Variants in ACOT7 observed in about 807,000 individuals in gnomAD.
ACOT7 encodes the protein acyl-CoA thioesterase 7, also known as cytosolic acyl coenzyme A thioester hydrolase.
Under a neutral mutation model 40.2 loss-of-function variants are expected in ACOT7, and 12 were observed. That is an observed-to-expected ratio of 0.30 (90% CI 0.19 to 0.48). ACOT7 has a LOEUF of 0.48. Among genes scored for constraint, ACOT7 ranks in the 20% least tolerant of loss-of-function variants. The pLI is 0.99. For synonymous variants in ACOT7, 228 were observed against 219.5 expected, an observed-to-expected ratio of 1.04 and a Z score of -0.34; for missense variants, 395 against 530.8, an observed-to-expected ratio of 0.74 and a Z score of 2.51.
chr1:6,316,092 G>A (rs1012965772), intron 6 of ACOT7, among the ~76,000 whole-genome samples: 2 of 152,202 alleles, frequency 1.3e-5, no homozygotes, highest in African/African-American at 4.8e-5. Flanking sequence ...CCCATTTAGT[G>A]AAGAACGTCT....
At chr1:6,276,865 G>A (rs529893964) in intron 8 of ACOT7, among the ~76,000 whole-genome samples, 20 of 152,230 alleles carry the variant, frequency 1.3e-4, no homozygotes, top group Admixed American at 7.2e-4. Context: ...AAATAACAGC[G>A]TAGATCAACA....
Position 6,299,198 on chromosome 1 carries a change from G to A in ACOT7, c.713-4218C>T, listed in dbSNP as rs190973117. On this transcript the variant is annotated intron_variant, in intron 6 of 8. Transcript: ENST00000361521. This position sits in a 1 kb window ranked among gnomAD's most constrained non-coding sequence, Gnocchi z 4.1. The stretch of plus-strand genomic sequence containing the variant: ...TCTGTCAGGCAGAGGAGGTGACGGC[G>A]CCCACAGGCAAGGTGACTGAGGAGC... Among the ~76,000 whole-genome samples the A allele has an allele frequency of 9.8e-5, 15 of 152,316 alleles. 1 individual carries two copies. Among genetic ancestry groups the A allele is most frequent in the Admixed American group, 7.8e-4 (12 of 15,312 alleles).
In ACOT7 at chr1:6,385,814, C is replaced by T. The variant is rs571361922; in HGVS notation, c.143+7443G>A. 170 of 1,413,508 alleles carry T rather than the reference C, an allele frequency of 1.2e-4. 2 individuals carry two copies. Among genetic ancestry groups the T allele is most frequent in the Admixed American group, 3.0e-4 (10 of 33,818 alleles). The allele number at this position is 1,413,508 out of a possible 1,614,324, so 87.6% of individuals were successfully genotyped here. On this transcript the variant is annotated intron_variant, in intron 1 of 8. Coordinates refer to ENST00000361521, the MANE Select transcript of ACOT7 (RefSeq NM_007274.4). ...CAGGCTCCTGCTCCTCCTAGGACCG[C>T]CCCTCCCCCACCAGCCCCCGGCAAG...
intron 4 of ACOT7, among the ~76,000 whole-genome samples, chr1:6,329,212 C>T (rs1450724510): frequency 6.6e-6 from 1 of 152,240 alleles, no homozygotes; most frequent in African/African-American, 2.4e-5. Context: ...GTCTCAGCAC[C>T]ATTCACCGTT....
rs1557664061 is a variant in ACOT7, at chr1:6,352,693, C to T, written c.144-2827G>A. Among the ~76,000 whole-genome samples, 1 of 149,948 alleles carries T rather than the reference C, an allele frequency of 6.7e-6. No homozygotes were observed. Among genetic ancestry groups the T allele is most frequent in the Non-Finnish European group, 1.5e-5 (1 of 67,442 alleles). On this transcript the variant is annotated intron_variant, in intron 1 of 8. Transcript: ENST00000361521. This position sits in a 1 kb window ranked among gnomAD's most constrained non-coding sequence, Gnocchi z 4.5. ...CGCAAGCTCCGCCTCCTGGGTTCTC[C>T]TGCCTCAGCCTCCCGAGTAGCTGGC...
chr1:6,359,092 T>C lies in ACOT7; in HGVS notation c.144-9226A>G. The stretch of plus-strand genomic sequence containing the variant: ...GCTTTATAAATAATTACAGAAGAAG[T>C]AATTCTGTGAGCTCTTCTGGCTGCC... On this transcript the variant is annotated intron_variant, in intron 1 of 8. Coordinates refer to ENST00000361521, the MANE Select transcript of ACOT7 (RefSeq NM_007274.4). This position sits in a 1 kb window ranked among gnomAD's most constrained non-coding sequence, Gnocchi z 4.1. The C allele has an allele frequency of 2.1e-6, 1 of 466,702 alleles. No homozygotes were observed. 28.9% of individuals were successfully genotyped at this position (466,702 alleles called of 1,614,324 possible).
At chr1:6,269,503 G>A (rs544133528) in intron 8 of ACOT7, among the ~76,000 whole-genome samples, 69 of 152,362 alleles carry the variant, frequency 4.5e-4, no homozygotes, top group East Asian at 5.8e-4. Flanking sequence ...GCCACAGGCC[G>A]AGGGCTGTGA....
intron 6 of ACOT7, among the ~76,000 whole-genome samples, chr1:6,302,086 C>T (rs61763881): frequency 0.086 from 13,043 of 152,268 alleles, 966 homozygotes; most frequent in African/African-American, 0.19. Context: ...TTATACCCCA[C>T]ACCTGGAGTT....
rs1642308351 is a variant in ACOT7 at position 6,380,195 on chromosome 1, T to A, written c.143+13062A>T. On this transcript the variant is annotated intron_variant, in intron 1 of 8. Coordinates refer to ENST00000361521, the MANE Select transcript of ACOT7 (RefSeq NM_007274.4). ...AAAACTTACCACAAAGCTACAATAATCAAAACAGTATGGCATTAGCATAAA... is the reference window on the plus strand; with the variant it reads ...AAAACTTACCACAAAGCTACAATAAACAAAACAGTATGGCATTAGCATAAA... 2.6e-5 allele frequency among the ~76,000 whole-genome samples: 4 copies of A among 151,684 alleles called. No individual in the cohort carries two copies. In the South Asian group the frequency reaches 8.3e-4, roughly 31 times the overall value.
chr1:6,335,460 T>C (rs1641075640), intron 3 of ACOT7, among the ~76,000 whole-genome samples: 1 of 151,554 alleles, frequency 6.6e-6, no homozygotes, highest in African/African-American at 2.4e-5. Context: ...ACCACTGCAC[T>C]CCAGCCTGGG....
At chr1:6,344,763 C>CAAAAAAAAAAAA (rs58594477) in intron 2 of ACOT7, among the ~76,000 whole-genome samples, 4 of 56,034 alleles carry the variant, frequency 7.1e-5, no homozygotes, top group East Asian at 9.1e-4. Flanking sequence ...GACTCTGTCT[C>CAAAAAAAAAAAA]AAAAAAAAAA....
Position 6,294,726 on chromosome 1 carries a change from C to G in ACOT7, c.829+138G>C. 1 of 654,006 alleles carries G rather than the reference C, an allele frequency of 1.5e-6. No homozygotes were observed. Among genetic ancestry groups the G allele is most frequent in the Non-Finnish European group, 2.7e-6 (1 of 370,660 alleles). The allele number at this position is 654,006 out of a possible 1,614,324, so 40.5% of individuals were successfully genotyped here. On this transcript the variant is annotated intron_variant, in intron 7 of 8. Transcript: ENST00000361521. The surrounding 1 kb of genome is among the most constrained non-coding windows in gnomAD (Gnocchi z 4.6). ...ACAGCAAGGACAAAGAAAGAAACCT[C>G]AGCTTCCTGTTCCCTGTGGCAGATG...
chr1:6,343,633 G>A (rs969770070), intron 2 of ACOT7, among the ~76,000 whole-genome samples: 9 of 152,280 alleles, frequency 5.9e-5, no homozygotes, highest in Non-Finnish European at 1.3e-4. Flanking sequence ...AAGGCTGTTA[G>A]GGCAGGGCTG....
At position 6,393,353 on chromosome 1, in the gene ACOT7, G is replaced by C. The variant is rs776759397; in HGVS notation, c.47C>G (p.Thr16Ser). Residue 16 changes from threonine (T) to serine (S), a missense_variant, in exon 1 of 9, where the codon ACC becomes AGC. Thr to Ser is a moderately conservative substitution (Grantham distance 58). Around this residue, in one of 2 missense-constraint regions of ACOT7, gnomAD observed 86 missense variants for 60.5 expected, o/e 1.42. Coordinates refer to ENST00000361521, the MANE Select transcript of ACOT7 (RefSeq NM_007274.4). ...LIHSAPGLPD[T>S]CALLQPPAAS... is the part of the protein sequence containing the mutation. ...GGCGGGCGGCTGCAGAAGGGCGCAG[G>C]TGTCTGGCAGGCCCGGCGCGGAATG... is the stretch of plus-strand genomic sequence containing the variant. 5.6e-6 allele frequency: 7 copies of C among 1,245,894 alleles called. No individual in the cohort carries two copies. The highest frequency in any genetic ancestry group is 2.6e-4 in the Middle Eastern group (1 of 3,902). The allele number at this position is 1,245,894 out of a possible 1,614,324, so 77.2% of individuals were successfully genotyped here.
At chr1:6,318,893 T>C (rs1571303382) in intron 5 of ACOT7, among the ~76,000 whole-genome samples, 1 of 152,350 alleles carries the variant, frequency 6.6e-6, no homozygotes, top group South Asian at 2.1e-4. Context: ...GGGCTGCGTG[T>C]GACCCTCCAC....
In ACOT7 at chr1:6,393,395, G is replaced by A; in HGVS notation, c.5C>T (p.Ala2Val). ...CGCGGAATGAATGAGCCCGGGCCGC[G>A]CCATAAAGGGGGAGGGCAGAGGTGG... M[A>V]RPGLIHSAPG... is the part of the protein sequence containing the mutation. Residue 2 changes from alanine to valine, a missense_variant, in exon 1 of 9, where the codon GCG (alanine) becomes GTG (valine). Coordinates refer to ENST00000361521, the MANE Select transcript of ACOT7 (RefSeq NM_007274.4). 8.1e-7 allele frequency: 1 copy of A among 1,229,526 alleles called. No homozygotes were observed. 76.2% of individuals were successfully genotyped at this position (1,229,526 alleles called of 1,614,324 possible). A position where few individuals can be genotyped will look rare whatever the true frequency, so the allele number is the denominator to read the frequency against.
rs547804848 is a variant in ACOT7, at chr1:6,336,027, C to T, written c.419-2459G>A. 9.2e-5 allele frequency among the ~76,000 whole-genome samples: 14 copies of T among 152,278 alleles called. 1 individual carries two copies. The highest frequency in any genetic ancestry group is 1.6e-4 in the Non-Finnish European group (11 of 68,026). On this transcript the variant is annotated intron_variant, in intron 3 of 8. Coordinates refer to ENST00000361521, the MANE Select transcript of ACOT7 (RefSeq NM_007274.4). ...TATTTTCTCCATCATTTAATGAAAG[C>T]ATCAAAAGACAACGGCAGTATTAGA... is the stretch of plus-strand genomic sequence containing the variant.
intron 6 of ACOT7, among the ~76,000 whole-genome samples, chr1:6,305,936 C>A (rs897214383): frequency 2.6e-5 from 4 of 152,094 alleles, no homozygotes; most frequent in Non-Finnish European, 4.4e-5. Context: ...TCTGCAATCC[C>A]GGCACCTCGG....
chr1:6,365,098 C>T (rs1641974486), intron 1 of ACOT7, among the ~76,000 whole-genome samples: 1 of 152,016 alleles, frequency 6.6e-6, no homozygotes, highest in Non-Finnish European at 1.5e-5. Flanking sequence ...TCGTGCTGAG[C>T]AAGGGAGGCT....
Sources: allele counts gnomAD v4.1 joint callset (sites outside exome capture counted in the v4.1 genomes callset), GRCh38; gene constraint gnomAD v4.1.1; regional missense constraint gnomAD v4.1.1; non-coding constraint Gnocchi (gnomAD v3.1); transcripts MANE v1.5; gene names NCBI Gene and HGNC (gene_info 2026-07-23, HGNC 2026-07-21).